Variants in GTF2F2 observed in about 807,000 individuals in gnomAD.
GTF2F2 encodes the protein general transcription factor IIF subunit 2.
A neutral mutation model predicts 42.2 loss-of-function variants in GTF2F2; 23 were observed. The observed-to-expected ratio is 0.55, with a 90% CI of 0.39 to 0.77. The LOEUF (loss-of-function observed/expected upper bound fraction) is 0.77. GTF2F2 is among the 30% of genes least tolerant of loss of function. GTF2F2 has a pLI of 0.00. For synonymous variants in GTF2F2, 105 were observed against 100.8 expected (o/e 1.04, Z -0.25); for missense variants, 261 against 287.2 (o/e 0.91, Z 0.66).
chr13:45,122,925 A>C (rs1409019524), intron 1 of GTF2F2, among the ~76,000 whole-genome samples: 1 of 152,124 alleles, frequency 6.6e-6, no homozygotes, highest in Non-Finnish European at 1.5e-5. Flanking sequence ...GATCTCTGAG[A>C]GTTTTGAGCG....
chr13:45,134,421 TGGG>T (rs924499122), intron 1 of GTF2F2, among the ~76,000 whole-genome samples: 1 of 151,848 alleles, frequency 6.6e-6, no homozygotes, highest in African/African-American at 2.4e-5. Context: ...TGAGTTAACA[TGGG>T]GGAGGGATAG....
rs151052406 is a variant in GTF2F2 at position 45,259,265 on chromosome 13, A to G, written c.486+6295A>G. On this transcript the variant is annotated intron_variant, in intron 6 of 7. Coordinates refer to ENST00000340473, the MANE Select transcript of GTF2F2 (RefSeq NM_004128.3). ...AACCTGGTAAAACCCCGTCTCTACT[A>G]AAAGTACAAAATTAGCTGGGTATTG... is the stretch of plus-strand genomic sequence containing the variant. Among the ~76,000 whole-genome samples, 119 of 152,262 alleles carry G rather than the reference A, an allele frequency of 7.8e-4. 3 individuals are homozygous for G. The East Asian group carries it at 0.02, about 25-fold the overall frequency.
At chr13:45,266,173 AT>A (rs1876553330) in intron 6 of GTF2F2, among the ~76,000 whole-genome samples, 1 of 152,210 alleles carries the variant, frequency 6.6e-6, no homozygotes, top group South Asian at 2.1e-4. Flanking sequence ...AACATAACAC[AT>A]GGTCCTGAAG....
chr13:45,161,880 C>G (rs1015436255), intron 4 of GTF2F2, among the ~76,000 whole-genome samples: 2 of 151,990 alleles, frequency 1.3e-5, no homozygotes, highest in Admixed American at 6.5e-5. Flanking sequence ...ATTTTTTTAA[C>G]CAGATTTGAA....
chr13:45,212,024 C>T (rs1873670432), intron 5 of GTF2F2, among the ~76,000 whole-genome samples: 1 of 152,072 alleles, frequency 6.6e-6, no homozygotes, highest in African/African-American at 2.4e-5. Context: ...AGTTACCCTA[C>T]TACCTAAAGG....
At chr13:45,160,118 C>T (rs1344962132) in intron 4 of GTF2F2, among the ~76,000 whole-genome samples, 1 of 152,096 alleles carries the variant, frequency 6.6e-6, no homozygotes, top group Non-Finnish European at 1.5e-5. Flanking sequence ...CTCTTTTATA[C>T]ATTATGTGCT....
At chr13:45,126,476 T>C (rs749803716) in intron 1 of GTF2F2, among the ~76,000 whole-genome samples, 1 of 152,236 alleles carries the variant, frequency 6.6e-6, no homozygotes, top group Non-Finnish European at 1.5e-5. Context: ...GGTCTCAAAC[T>C]CCTGACCTCG....
chr13:45,260,801 C>A (rs1169116703), intron 6 of GTF2F2, among the ~76,000 whole-genome samples: 2 of 152,000 alleles, frequency 1.3e-5, no homozygotes, highest in Non-Finnish European at 2.9e-5. Flanking sequence ...GGGTGGATCA[C>A]TTGAGTTTGA....
At chr13:45,189,048 C>T (rs1421301974) in intron 4 of GTF2F2, among the ~76,000 whole-genome samples, 1 of 152,082 alleles carries the variant, frequency 6.6e-6, no homozygotes, top group African/African-American at 2.4e-5. Context: ...CGCTATCCCT[C>T]CCCGGCTCCC....
intron 6 of GTF2F2, among the ~76,000 whole-genome samples, chr13:45,265,102 T>C (rs1457201718): frequency 6.6e-6 from 1 of 151,912 alleles, no homozygotes; most frequent in Non-Finnish European, 1.5e-5. Context: ...CTACTAAAAA[T>C]ACAAAAATTA....
rs558239738 is a variant in GTF2F2, at chr13:45,126,600, T to G, written c.66+5879T>G. On this transcript the variant is annotated intron_variant, in intron 1 of 7. Transcript: ENST00000340473. ...CAGTTTGAGTGAATGGGTGGGCAGA[T>G]TGATTCATCCCACAAGCTTTCAGTG... Among the ~76,000 whole-genome samples the G allele has an allele frequency of 3.9e-5, 6 of 152,312 alleles. No individual in the cohort carries two copies. In the South Asian group the frequency reaches 1.2e-3, roughly 32 times the overall value.
chr13:45,220,142 A>G (rs1874048983), intron 5 of GTF2F2, among the ~76,000 whole-genome samples: 1 of 152,210 alleles, frequency 6.6e-6, no homozygotes, highest in Non-Finnish European at 1.5e-5. Context: ...AATGAAAAGC[A>G]TGTGATTTGG....
intron 7 of GTF2F2, among the ~76,000 whole-genome samples, chr13:45,275,423 G>A (rs1876990249): frequency 1.3e-5 from 2 of 151,480 alleles, no homozygotes; most frequent in Admixed American, 1.3e-4. Flanking sequence ...ATTTACATTA[G>A]GTGTATCTCC....
intron 2 of GTF2F2, among the ~76,000 whole-genome samples, chr13:45,143,750 A>G (rs1268480871): frequency 2.6e-5 from 4 of 152,182 alleles, no homozygotes; most frequent in African/African-American, 9.7e-5. Context: ...GCAGCCTGGA[A>G]TGCAGCTCTT....
chr13:45,254,664 C>T (rs996154225), intron 6 of GTF2F2, among the ~76,000 whole-genome samples: 2 of 152,128 alleles, frequency 1.3e-5, no homozygotes, highest in East Asian at 3.8e-4. Flanking sequence ...TACTGTTAAC[C>T]ACTGTGTATG....
rs758496226 is a variant in GTF2F2 at position 45,149,772 on chromosome 13, C to T, written c.143C>T (p.Thr48Ile). ...ATATTTCTTTTCCTCTCCTTTAGGA[C>T]TCAAGGAAGGACTGAGGTAAGATTA... ...GEVGKLRIAK[T>I]QGRTEVSFTL... is the part of the protein sequence containing the mutation. The change falls in exon 3 of 8, where the codon ACT becomes ATT. Residue 48 changes from threonine (T) to isoleucine (I), a missense_variant and splice_region_variant. By Grantham distance (89) the Thr-to-Ile change is moderately conservative. Coordinates refer to ENST00000340473, the MANE Select transcript of GTF2F2 (RefSeq NM_004128.3). The T allele has an allele frequency of 6.6e-7, 1 of 1,508,664 alleles. No homozygotes were observed. Among genetic ancestry groups the T allele is most frequent in the South Asian group, 1.3e-5 (1 of 76,972 alleles). 93.5% of individuals were successfully genotyped at this position (1,508,664 alleles called of 1,614,324 possible). A position where few individuals can be genotyped will look rare whatever the true frequency, so the allele number is the denominator to read the frequency against.
At chr13:45,263,119 TAAATTTAA>T (rs1876413198) in intron 6 of GTF2F2, among the ~76,000 whole-genome samples, 1 of 146,872 alleles carries the variant, frequency 6.8e-6, no homozygotes, top group African/African-American at 2.7e-5. Flanking sequence ...TATTTTTAAA[TAAATTTAA>T]ATAAATGTAG....
chr13:45,175,122 A>G (rs1238373691), intron 4 of GTF2F2, among the ~76,000 whole-genome samples: 1 of 152,214 alleles, frequency 6.6e-6, no homozygotes, highest in Non-Finnish European at 1.5e-5. Context: ...TCCAGCCTCT[A>G]GTAATCACTA....
intron 2 of GTF2F2, among the ~76,000 whole-genome samples, chr13:45,144,555 C>T (rs1870099184): frequency 6.7e-6 from 1 of 150,092 alleles, no homozygotes; most frequent in Non-Finnish European, 1.5e-5. Flanking sequence ...CATTCTCCTG[C>T]CTCAGCCTCC....
Sources: allele counts gnomAD v4.1 joint callset (sites outside exome capture counted in the v4.1 genomes callset), GRCh38; gene constraint gnomAD v4.1.1; transcripts MANE v1.5; gene names NCBI Gene and HGNC (gene_info 2026-07-23, HGNC 2026-07-21).